The following SPAG16 variants were observed in gnomAD, a reference collection of about 807,000 sequenced individuals.
SPAG16 encodes sperm-associated antigen 16 protein.
SPAG16 carries 86 observed loss-of-function variants against 80.4 expected under a neutral mutation model. The observed-to-expected ratio is 1.07, with a 90% CI of 0.90 to 1.28. The LOEUF (loss-of-function observed/expected upper bound fraction) is 1.28. Among genes scored for constraint, SPAG16 ranks in the 50% most tolerant of loss-of-function variants. SPAG16 has a pLI of 0.00. For synonymous variants in SPAG16, 294 were observed against 265.9 expected, an observed-to-expected ratio of 1.11 and a Z score of -1.03; for missense variants, 870 against 765.3, an observed-to-expected ratio of 1.14 and a Z score of -1.61.
chr2:213,913,796 A>G (rs1192939092), intron 11 of SPAG16, among the ~76,000 whole-genome samples: 1 of 152,106 alleles, frequency 6.6e-6, no homozygotes, highest in Non-Finnish European at 1.5e-5. Context: ...GGGGACTGTT[A>G]AGTCCAAAAT....
At chr2:214,387,119 A>G (rs1700805260) in intron 15 of SPAG16, among the ~76,000 whole-genome samples, 1 of 152,066 alleles carries the variant, frequency 6.6e-6, no homozygotes, top group Admixed American at 6.5e-5. Flanking sequence ...ATATTTTAAG[A>G]TTTAGCTCAA....
intron 15 of SPAG16, among the ~76,000 whole-genome samples, chr2:214,321,666 G>A (rs939980191): frequency 2.0e-5 from 3 of 152,146 alleles, no homozygotes; most frequent in African/African-American, 7.2e-5. Context: ...AGAAATACTA[G>A]TTTAGATTCC....
chr2:213,653,808 T>A (rs1385479149), intron 10 of SPAG16, among the ~76,000 whole-genome samples: 2 of 152,196 alleles, frequency 1.3e-5, no homozygotes, highest in Non-Finnish European at 2.9e-5. Context: ...TCACAATCCT[T>A]GCTTTGTATT....
intron 10 of SPAG16, among the ~76,000 whole-genome samples, chr2:213,527,574 T>C (rs1301301100): frequency 6.6e-6 from 1 of 152,170 alleles, no homozygotes; most frequent in Non-Finnish European, 1.5e-5. Flanking sequence ...CTCCCTGAAA[T>C]AGTAAATGTC....
At chr2:214,009,351 A>G (rs2047180173) in intron 12 of SPAG16, among the ~76,000 whole-genome samples, 1 of 152,112 alleles carries the variant, frequency 6.6e-6, no homozygotes, top group Non-Finnish European at 1.5e-5. Context: ...AGTGCATCCA[A>G]GCAGAAAGTC....
intron 15 of SPAG16, among the ~76,000 whole-genome samples, chr2:214,154,722 G>A (rs890373887): frequency 1.7e-4 from 26 of 152,038 alleles, no homozygotes; most frequent in African/African-American, 6.3e-4. Context: ...CTAGTTACTA[G>A]CAAAATGATC....
At chr2:213,330,665 G>C (rs2064056712) in intron 5 of SPAG16, among the ~76,000 whole-genome samples, 1 of 152,120 alleles carries the variant, frequency 6.6e-6, no homozygotes, top group Non-Finnish European at 1.5e-5. Context: ...AAAGAGTTAA[G>C]ATTTTGGGGG....
chr2:213,650,078 G>A lies in SPAG16; in HGVS notation c.1070+159988G>A, dbSNP rs181561041. On this transcript the variant is annotated intron_variant, in intron 10 of 15. Transcript: ENST00000331683. ...AGGAGAACTCTCAAGGAGAAGAATG[G>A]CAGTTTTTAGTTTACATTATTATAT... Among the ~76,000 whole-genome samples, 6 of 152,124 alleles carry A rather than the reference G, an allele frequency of 3.9e-5. No individual in the cohort carries two copies. The East Asian group carries it at 1.2e-3, about 29-fold the overall frequency.
chr2:213,364,234 AG>A (rs901844707), intron 8 of SPAG16, 89 bp downstream of exon 8: 50 of 708,670 alleles, frequency 7.1e-5, no homozygotes, highest in Non-Finnish European at 1.0e-4. Flanking sequence ...AGATATTTAA[AG>A]GTGAGTAAGT....
chr2:213,447,701 G>A (rs1013169968), intron 9 of SPAG16, among the ~76,000 whole-genome samples: 5 of 152,208 alleles, frequency 3.3e-5, no homozygotes, highest in Non-Finnish European at 5.9e-5. Context: ...CCTATACAGA[G>A]TTGTGTTAAG....
chr2:213,532,059 A>G (rs908698921), intron 10 of SPAG16, among the ~76,000 whole-genome samples: 2 of 152,216 alleles, frequency 1.3e-5, no homozygotes, highest in African/African-American at 4.8e-5. Context: ...TTCTAAAAGT[A>G]TACCTATTTG....
chr2:214,103,057 G>A (rs952292074), intron 13 of SPAG16, among the ~76,000 whole-genome samples: 5 of 152,086 alleles, frequency 3.3e-5, no homozygotes, highest in Non-Finnish European at 7.4e-5. Flanking sequence ...TGTTTAGGGA[G>A]GTATATGCAT....
intron 15 of SPAG16, among the ~76,000 whole-genome samples, chr2:214,155,000 G>T (rs1388668073): frequency 6.6e-6 from 1 of 152,156 alleles, no homozygotes; most frequent in Non-Finnish European, 1.5e-5. Context: ...CCAGAATATA[G>T]CCTGGAGAAA....
At chr2:213,317,445 G>A in intron 5 of SPAG16, 89 bp downstream of exon 5, 4 of 1,388,598 alleles carry the variant, frequency 2.9e-6, no homozygotes, top group Non-Finnish European at 3.7e-6. Flanking sequence ...ATATACCAGA[G>A]CCTTAATTTT....
intron 10 of SPAG16, among the ~76,000 whole-genome samples, chr2:213,659,606 A>G (rs2063345120): frequency 6.6e-6 from 1 of 152,184 alleles, no homozygotes; most frequent in African/African-American, 2.4e-5. Flanking sequence ...GGGCTAAGCA[A>G]CATTTCTAGG....
intron 13 of SPAG16, among the ~76,000 whole-genome samples, chr2:214,088,188 C>G (rs2051912084): frequency 6.6e-6 from 1 of 151,456 alleles, no homozygotes; most frequent in Non-Finnish European, 1.5e-5. Flanking sequence ...TCACATTGTG[C>G]AAAGGAACAA....
At chr2:213,327,500 A>G (rs1575210364) in intron 5 of SPAG16, among the ~76,000 whole-genome samples, 1 of 152,086 alleles carries the variant, frequency 6.6e-6, no homozygotes, top group African/African-American at 2.4e-5. Flanking sequence ...TCTAATGTAT[A>G]TTTAAAAAGT....
At chr2:213,852,811 G>A (rs988646597) in intron 10 of SPAG16, among the ~76,000 whole-genome samples, 14 of 152,166 alleles carry the variant, frequency 9.2e-5, no homozygotes, top group African/African-American at 3.1e-4. Context: ...TAAGTTTCCT[G>A]AGGGTGATGC....
At chr2:213,470,460 A>C (rs1358558588) in intron 9 of SPAG16, among the ~76,000 whole-genome samples, 1 of 152,174 alleles carries the variant, frequency 6.6e-6, no homozygotes, top group Admixed American at 6.5e-5. Context: ...TGTGTATTCC[A>C]CTGGGCACAA....
Sources: allele counts gnomAD v4.1 joint callset (sites outside exome capture counted in the v4.1 genomes callset), GRCh38; gene constraint gnomAD v4.1.1; transcripts MANE v1.5; gene names NCBI Gene and HGNC (gene_info 2026-07-23, HGNC 2026-07-21).